The following TAF3 variants were observed in gnomAD, a reference collection of about 807,000 sequenced individuals.
TAF3 encodes transcription initiation factor TFIID subunit 3.
A neutral mutation model predicts 80.6 loss-of-function variants in TAF3; 7 were observed. That is an observed-to-expected ratio of 0.09 (90% CI 0.05 to 0.16). The LOEUF (loss-of-function observed/expected upper bound fraction) is 0.16. TAF3 is among the 10% of genes least tolerant of loss of function. The probability of loss-of-function intolerance (pLI) is 1.00; values close to 1 mark genes in which losing one functional copy is unlikely to be tolerated. For synonymous variants in TAF3, 444 were observed against 446.1 expected (o/e 1.00, Z 0.06); for missense variants, 921 against 1,140.2 (o/e 0.81, Z 2.77).
Position 7,964,618 on chromosome 10 carries a change from A to C in TAF3, c.1108A>C (p.Lys370Gln), listed in dbSNP as rs762992934. Residue 370 changes from lysine to glutamine, a missense_variant, in exon 3 of 7, where the codon AAA (lysine) becomes CAA (glutamine). Around this residue, in one of 6 missense-constraint regions of TAF3, gnomAD observed 743 missense variants for 821.0 expected, o/e 0.90. Transcript: ENST00000344293. The surrounding 1 kb of genome is among the most constrained non-coding windows in gnomAD (Gnocchi z 4.1). ...KQIQTPPDAG[K>Q]LNSENQPKKA... is the part of the protein sequence containing the mutation. ...AATACAGACACCCCCTGATGCTGGG[A>C]AACTGAACAGTGAGAATCAGCCGAA... 6.2e-7 allele frequency: 1 copy of C among 1,614,194 alleles called. No individual in the cohort carries two copies. Among genetic ancestry groups the C allele is most frequent in the East Asian group, 2.2e-5 (1 of 44,876 alleles).
At chr10:8,010,290 C>A (rs1303932280) in intron 5 of TAF3, among the ~76,000 whole-genome samples, 1 of 152,214 alleles carries the variant, frequency 6.6e-6, no homozygotes, top group Non-Finnish European at 1.5e-5. Flanking sequence ...ACATAGTCAG[C>A]CTCCATAAAT....
rs141446240 is a variant in TAF3, at chr10:7,842,862, C to T, written c.409+18302C>T. Reference sequence around the variant, plus strand: ...TTTTCCAAGGGCAGGCCCACATTTACAGTCTGTTCCTGAAAAATCTCAGCA... The same window carrying T: ...TTTTCCAAGGGCAGGCCCACATTTATAGTCTGTTCCTGAAAAATCTCAGCA... On this transcript the variant is annotated intron_variant, in intron 2 of 6. Coordinates refer to ENST00000344293, the MANE Select transcript of TAF3 (RefSeq NM_031923.4). 9.8e-4 allele frequency among the ~76,000 whole-genome samples: 149 copies of T among 152,330 alleles called. 1 individual carries two copies. Among genetic ancestry groups the T allele is most frequent in the Admixed American group, 7.6e-3 (117 of 15,306 alleles).
At chr10:7,867,794 C>G (rs2131142564) in intron 2 of TAF3, among the ~76,000 whole-genome samples, 1 of 152,282 alleles carries the variant, frequency 6.6e-6, no homozygotes, top group Admixed American at 6.5e-5. Flanking sequence ...GCACAGACCC[C>G]TGTGCAGAAA....
intron 3 of TAF3, among the ~76,000 whole-genome samples, chr10:7,975,888 C>G (rs937497246): frequency 5.3e-5 from 8 of 152,170 alleles, no homozygotes; most frequent in Non-Finnish European, 1.2e-4. Context: ...AATGTTGCAG[C>G]TAGTCAGTGA....
intron 2 of TAF3, among the ~76,000 whole-genome samples, chr10:7,841,790 G>C (rs976198406): frequency 6.6e-6 from 1 of 152,208 alleles, no homozygotes; most frequent in Non-Finnish European, 1.5e-5. Context: ...TAAATATCCA[G>C]ATCTTAAACA....
chr10:7,865,112 G>A (rs1837197163), intron 2 of TAF3, among the ~76,000 whole-genome samples: 2 of 152,130 alleles, frequency 1.3e-5, no homozygotes, highest in Admixed American at 6.5e-5. Context: ...AAGCTTCAGA[G>A]GGAAGTGAGT....
chr10:7,933,221 A>G (rs1837885877), intron 2 of TAF3, among the ~76,000 whole-genome samples: 1 of 152,206 alleles, frequency 6.6e-6, no homozygotes, highest in South Asian at 2.1e-4. Context: ...AGGAATGCAA[A>G]CGCTATGGCA....
chr10:7,892,879 G>A (rs1287193877), intron 2 of TAF3, among the ~76,000 whole-genome samples: 3 of 148,876 alleles, frequency 2.0e-5, no homozygotes, highest in African/African-American at 7.4e-5. Flanking sequence ...GTGCAATGGC[G>A]TGTGATCTTG....
chr10:7,877,978 T>C (rs1431482247), intron 2 of TAF3, among the ~76,000 whole-genome samples: 1 of 152,222 alleles, frequency 6.6e-6, no homozygotes, highest in Non-Finnish European at 1.5e-5. Flanking sequence ...ACAGTGTCCT[T>C]TGAGTAGACG....
Position 7,820,872 on chromosome 10 carries a change from C to T in TAF3, c.166+1997C>T, listed in dbSNP as rs192179837. The stretch of plus-strand genomic sequence containing the variant: ...TTGAAAGTACATCACCAGCTGACTA[C>T]TCTTCTGGCTTTTGTTTCTTTTTCC... On this transcript the variant is annotated intron_variant, in intron 1 of 6. Transcript: ENST00000344293. Among the ~76,000 whole-genome samples, 4 of 152,348 alleles carry T rather than the reference C, an allele frequency of 2.6e-5. No individual in the cohort carries two copies. In the East Asian group the frequency reaches 7.7e-4, roughly 29 times the overall value.
At chr10:7,851,747 C>T (rs555781727) in intron 2 of TAF3, among the ~76,000 whole-genome samples, 9 of 152,154 alleles carry the variant, frequency 5.9e-5, no homozygotes, top group East Asian at 1.9e-4. Flanking sequence ...GGCATATCTA[C>T]GGTAGTATTA....
chr10:7,936,857 G>A (rs774949276), intron 2 of TAF3, among the ~76,000 whole-genome samples: 5 of 151,724 alleles, frequency 3.3e-5, no homozygotes, highest in East Asian at 1.9e-4. Flanking sequence ...CCCTGTACCC[G>A]CTGGCATCCA....
chr10:7,925,822 AG>A (rs1273296139), intron 2 of TAF3, among the ~76,000 whole-genome samples: 1 of 149,980 alleles, frequency 6.7e-6, no homozygotes, highest in African/African-American at 2.5e-5. Flanking sequence ...AGAAAAGAAA[AG>A]AAAAGAAAAA....
intron 3 of TAF3, among the ~76,000 whole-genome samples, chr10:7,972,980 T>C (rs1831635384): frequency 6.6e-6 from 1 of 152,218 alleles, no homozygotes; most frequent in African/African-American, 2.4e-5. Context: ...ACTCACAATG[T>C]GCGTCAGAGA....
intron 4 of TAF3, among the ~76,000 whole-genome samples, chr10:7,980,612 A>G (rs1831717408): frequency 6.6e-6 from 1 of 152,218 alleles, no homozygotes; most frequent in Non-Finnish European, 1.5e-5. Context: ...ACCAAAACCT[A>G]ACCCTGAAAT....
intron 4 of TAF3, among the ~76,000 whole-genome samples, chr10:7,984,688 C>T (rs1324638128): frequency 2.0e-5 from 3 of 152,182 alleles, no homozygotes; most frequent in Non-Finnish European, 4.4e-5. Flanking sequence ...TTTCTCTCCG[C>T]AGTGTTATCA....
At position 8,009,218 on chromosome 10, in the gene TAF3, C is replaced by A; in HGVS notation, c.2456C>A (p.Ala819Asp). 1 of 1,455,218 alleles carries A rather than the reference C, an allele frequency of 6.9e-7. No individual in the cohort carries two copies. The highest frequency in any genetic ancestry group is 1.3e-5 in the South Asian group (1 of 77,448). The allele number at this position is 1,455,218 out of a possible 1,614,324, so 90.1% of individuals were successfully genotyped here. Reference sequence around the variant, plus strand: ...GCGCCCGTGCCGCTGCCGCTGCTCGCCCAGGCCGCCGCGGGCCCTGCCCTG... The same window carrying A: ...GCGCCCGTGCCGCTGCCGCTGCTCGACCAGGCCGCCGCGGGCCCTGCCCTG... ...SPAPVPLPLL[A>D]QAAAGPALLP... Residue 819 changes from alanine (A) to aspartate (D), a missense_variant, in exon 5 of 7, where the codon GCC becomes GAC. Coordinates refer to ENST00000344293, the MANE Select transcript of TAF3 (RefSeq NM_031923.4). This position sits in a 1 kb window ranked among gnomAD's most constrained non-coding sequence, Gnocchi z 4.1.
At chr10:7,826,616 G>C (rs770138323) in intron 2 of TAF3, among the ~76,000 whole-genome samples, 5 of 152,092 alleles carry the variant, frequency 3.3e-5, no homozygotes, top group Non-Finnish European at 5.9e-5. Context: ...CAAATCTTGA[G>C]AACACTACTT....
intron 2 of TAF3, among the ~76,000 whole-genome samples, chr10:7,956,738 C>T (rs1319580153): frequency 6.6e-6 from 1 of 152,110 alleles, no homozygotes; most frequent in East Asian, 1.9e-4. Context: ...GCATACCAGA[C>T]ATGCAAAACA....
Sources: gnomAD v4.1 joint callset for allele counts (sites outside exome capture counted in the v4.1 genomes callset) on GRCh38, gnomAD v4.1.1 for gene constraint, gnomAD v4.1.1 regional missense constraint, Gnocchi (gnomAD v3.1) non-coding constraint, MANE v1.5 for transcripts, NCBI Gene and HGNC (gene_info 2026-07-23, HGNC 2026-07-21) for gene names.